TBC1D1: variants seen among roughly 807,000 people sequenced by gnomAD.
TBC1D1 encodes the protein TBC1 (tre-2/USP6, BUB2, cdc16) domain family, member 1.
In TBC1D1, 89 loss-of-function variants were observed where a neutral mutation model predicts 125.6. That is an observed-to-expected ratio of 0.71 (90% CI 0.60 to 0.85). The LOEUF (loss-of-function observed/expected upper bound fraction) is 0.85. Among genes scored for constraint, TBC1D1 ranks in the 40% least tolerant of loss-of-function variants. The pLI, the probability that TBC1D1 is intolerant of heterozygous loss-of-function variation, is 0.00. For synonymous variants in TBC1D1, 565 were observed against 564.1 expected, an observed-to-expected ratio of 1.00 and a Z score of -0.02; for missense variants, 1,377 against 1,469.2, an observed-to-expected ratio of 0.94 and a Z score of 1.03.
intron 19 of TBC1D1, among the ~76,000 whole-genome samples, chr4:38,135,864 G>GTA (rs3038258): frequency 0.9 from 135,453 of 149,836 alleles, 61,634 homozygotes; most frequent in Non-Finnish European, 0.97. Flanking sequence ...ATGTGTGTGT[G>GTA]TATATATATG....
chr4:38,128,036 A>G (rs1357323087), intron 18 of TBC1D1, among the ~76,000 whole-genome samples: 1 of 152,166 alleles, frequency 6.6e-6, no homozygotes, highest in Non-Finnish European at 1.5e-5. Flanking sequence ...CTTTATTTTA[A>G]AAACTGTGCA....
At chr4:38,038,729 T>C (rs968942138) in intron 8 of TBC1D1, among the ~76,000 whole-genome samples, 2 of 152,104 alleles carry the variant, frequency 1.3e-5, no homozygotes, top group Non-Finnish European at 2.9e-5. Flanking sequence ...GGGCGGATCA[T>C]GAGGTCAGGA....
intron 2 of TBC1D1, among the ~76,000 whole-genome samples, chr4:37,926,012 A>G (rs1722033637): frequency 1.3e-5 from 2 of 152,232 alleles, no homozygotes; most frequent in Admixed American, 1.3e-4. Context: ...TTTATCCTAC[A>G]GAACTTGCCA....
At chr4:38,040,207 G>A (rs558611258) in intron 8 of TBC1D1, among the ~76,000 whole-genome samples, 1 of 152,286 alleles carries the variant, frequency 6.6e-6, no homozygotes, top group Non-Finnish European at 1.5e-5. Context: ...AAAAACACAT[G>A]CATACAAATG....
intron 2 of TBC1D1, among the ~76,000 whole-genome samples, chr4:37,919,271 G>A (rs1036267670): frequency 1.5e-4 from 22 of 151,636 alleles, no homozygotes; most frequent in African/African-American, 5.3e-4. Context: ...GGGTTCAAGC[G>A]ATTCCCCTGC....
intron 12 of TBC1D1, among the ~76,000 whole-genome samples, chr4:38,059,956 A>G (rs1752465755): frequency 6.6e-6 from 1 of 152,128 alleles, no homozygotes; most frequent in Admixed American, 6.5e-5. Context: ...GCTCCCATCT[A>G]TGAGCAAAAA....
intron 6 of TBC1D1, among the ~76,000 whole-genome samples, chr4:38,025,322 CCT>C (rs1433817688): frequency 5.3e-5 from 8 of 152,218 alleles, no homozygotes. Context: ...ATCACCTGGG[CCT>C]CTCTGAGGAG....
At chr4:37,956,187 T>C (rs1728901710) in intron 2 of TBC1D1, among the ~76,000 whole-genome samples, 1 of 152,062 alleles carries the variant, frequency 6.6e-6, no homozygotes. Flanking sequence ...ATTTTTGTAT[T>C]TTTTGTAGAG....
At chr4:38,097,881 T>C (rs1160804626) in intron 14 of TBC1D1, among the ~76,000 whole-genome samples, 1 of 152,210 alleles carries the variant, frequency 6.6e-6, no homozygotes, top group Admixed American at 6.5e-5. Flanking sequence ...TGACATCAAT[T>C]TTAGTAATCA....
intron 2 of TBC1D1, among the ~76,000 whole-genome samples, chr4:37,981,702 T>A (rs1036041321): frequency 9.9e-5 from 15 of 151,900 alleles, no homozygotes; most frequent in African/African-American, 3.4e-4. Context: ...GCACTGAGCT[T>A]TGAGTGGGGA....
chr4:37,997,995 G>A (rs1187565558), intron 2 of TBC1D1, among the ~76,000 whole-genome samples: 1 of 151,678 alleles, frequency 6.6e-6, no homozygotes, highest in Non-Finnish European at 1.5e-5. Flanking sequence ...ATTTTTTTTG[G>A]TCACAGTGGT....
chr4:38,031,960 A>T (rs1560654986), intron 7 of TBC1D1, among the ~76,000 whole-genome samples: 1 of 152,382 alleles, frequency 6.6e-6, no homozygotes, highest in Non-Finnish European at 1.5e-5. Context: ...CAAATCAATG[A>T]TGTATAATTC....
intron 2 of TBC1D1, among the ~76,000 whole-genome samples, chr4:37,921,109 CA>C (rs1188232681): frequency 3.3e-3 from 236 of 71,986 alleles, no homozygotes; most frequent in African/African-American, 5.6e-3. Context: ...GACTCCGTCT[CA>C]AAAAAAAAAA....
At chr4:38,058,224 TC>T (rs1380042114) in intron 12 of TBC1D1, among the ~76,000 whole-genome samples, 30 of 152,248 alleles carry the variant, frequency 2.0e-4, no homozygotes, top group African/African-American at 6.8e-4. Flanking sequence ...ATCTTTGTCC[TC>T]TGCCACTGTC....
intron 2 of TBC1D1, among the ~76,000 whole-genome samples, chr4:37,917,588 C>T (rs1347357231): frequency 2.0e-5 from 3 of 152,112 alleles, no homozygotes; most frequent in Admixed American, 6.5e-5. Context: ...CATGGGAGGC[C>T]GCACAGGGCA....
At chr4:37,972,871 C>T (rs928427597) in intron 2 of TBC1D1, among the ~76,000 whole-genome samples, 41 of 142,556 alleles carry the variant, frequency 2.9e-4, no homozygotes, top group African/African-American at 1.0e-3. Context: ...CACTGCACTC[C>T]AGCCTGGGCA....
chr4:38,054,618 C>T (rs1276239060), intron 12 of TBC1D1, among the ~76,000 whole-genome samples: 2 of 152,160 alleles, frequency 1.3e-5, no homozygotes, highest in African/African-American at 4.8e-5. Context: ...GACAGGTCTG[C>T]GGCAACCTCA....
chr4:37,928,970 A>C (rs1298099732), intron 2 of TBC1D1, among the ~76,000 whole-genome samples: 1 of 152,222 alleles, frequency 6.6e-6, no homozygotes, highest in Non-Finnish European at 1.5e-5. Flanking sequence ...CGGCTTAGGA[A>C]CTGTGGGTGA....
chr4:37,916,359 CAT>C (rs34900699), intron 2 of TBC1D1, among the ~76,000 whole-genome samples: 31 of 150,520 alleles, frequency 2.1e-4, no homozygotes, highest in African/African-American at 7.5e-4. Flanking sequence ...TGTATATATA[CAT>C]ATATATATAC....
Sources: gnomAD v4.1 joint callset for allele counts (sites outside exome capture counted in the v4.1 genomes callset) on GRCh38, gnomAD v4.1.1 for gene constraint, MANE v1.5 for transcripts, NCBI Gene and HGNC (gene_info 2026-07-23, HGNC 2026-07-21) for gene names.